Variants in CHD6 observed in about 807,000 individuals in gnomAD.
The protein encoded by CHD6 is chromodomain helicase DNA binding protein 6.
In CHD6, 50 loss-of-function variants were observed where a neutral mutation model predicts 276.9. That is an observed-to-expected ratio of 0.18 (90% CI 0.14 to 0.23). CHD6 has a LOEUF of 0.23. Among genes scored for constraint, CHD6 ranks in the 10% least tolerant of loss-of-function variants. CHD6 has a pLI of 1.00. For synonymous variants in CHD6, 1,173 were observed against 1,229.3 expected (o/e 0.95, Z 0.96); for missense variants, 2,564 against 3,365.8 (o/e 0.76, Z 5.89).
intron 14 of CHD6, 31 bp downstream of exon 14, chr20:41,487,634 T>C: frequency 6.3e-7 from 1 of 1,580,154 alleles, no homozygotes; most frequent in Non-Finnish European, 8.6e-7. Context: ...ACGATCACAC[T>C]GTCTCCTCAA....
At chr20:41,579,129 C>CAAAAA (rs58395642) in intron 1 of CHD6, among the ~76,000 whole-genome samples, 1 of 42,792 alleles carries the variant, frequency 2.3e-5, no homozygotes, top group Non-Finnish European at 4.2e-5. Flanking sequence ...GACTCCATCT[C>CAAAAA]AAAAAAAAAA....
chr20:41,467,030 G>A (rs2145748126), intron 17 of CHD6, among the ~76,000 whole-genome samples: 1 of 152,300 alleles, frequency 6.6e-6, no homozygotes, highest in South Asian at 2.1e-4. Flanking sequence ...AGAAAGACAG[G>A]AGGAACCCGG....
At chr20:41,500,165 T>C (rs575159579) in intron 5 of CHD6, among the ~76,000 whole-genome samples, 6 of 152,266 alleles carry the variant, frequency 3.9e-5, no homozygotes, top group African/African-American at 1.4e-4. Flanking sequence ...TCTATTACAA[T>C]ATGAGACTTA....
intron 3 of CHD6, among the ~76,000 whole-genome samples, chr20:41,516,770 C>T (rs775639184): frequency 6.6e-5 from 10 of 151,890 alleles, no homozygotes; most frequent in African/African-American, 2.2e-4. Flanking sequence ...CTTCATTCTG[C>T]GTGAAAAGGG....
intron 1 of CHD6, among the ~76,000 whole-genome samples, chr20:41,602,294 C>T (rs531944091): frequency 7.9e-5 from 12 of 152,346 alleles, no homozygotes; most frequent in Admixed American, 5.9e-4. Flanking sequence ...TCCTCTCCCT[C>T]TCTCTTTCTT....
intron 27 of CHD6, among the ~76,000 whole-genome samples, chr20:41,431,879 C>G (rs926100389): frequency 6.6e-6 from 1 of 150,394 alleles, no homozygotes; most frequent in Non-Finnish European, 1.5e-5. Flanking sequence ...AAAAAACCTT[C>G]CGGGCGCGGT....
chr20:41,610,243 A>C (rs2045872468), intron 1 of CHD6, among the ~76,000 whole-genome samples: 1 of 152,112 alleles, frequency 6.6e-6, no homozygotes, highest in Non-Finnish European at 1.5e-5. Flanking sequence ...AATATACTAC[A>C]ATCAATCTTA....
chr20:41,546,521 T>C (rs962599913), intron 2 of CHD6, among the ~76,000 whole-genome samples: 2 of 152,234 alleles, frequency 1.3e-5, no homozygotes, highest in African/African-American at 2.4e-5. Context: ...ACATAATATT[T>C]ATCATTTTTT....
chr20:41,565,935 G>A (rs147314076), intron 1 of CHD6, among the ~76,000 whole-genome samples: 35 of 152,248 alleles, frequency 2.3e-4, no homozygotes, highest in African/African-American at 8.2e-4. Context: ...TTTCTAGCCT[G>A]GGAGACTGGG....
intron 3 of CHD6, among the ~76,000 whole-genome samples, chr20:41,522,290 C>G (rs1180286326): frequency 6.6e-6 from 1 of 152,046 alleles, no homozygotes; most frequent in South Asian, 2.1e-4. Context: ...AGGCTGTAGT[C>G]AGTCATGATT....
At chr20:41,480,170 G>A (rs969067605) in intron 16 of CHD6, among the ~76,000 whole-genome samples, 2 of 152,116 alleles carry the variant, frequency 1.3e-5, no homozygotes, top group Non-Finnish European at 2.9e-5. Flanking sequence ...AAGAAGATCT[G>A]ATTTAAGAGG....
chr20:41,515,631 T>C (rs1445572498), intron 3 of CHD6, among the ~76,000 whole-genome samples: 4 of 152,216 alleles, frequency 2.6e-5, no homozygotes, highest in African/African-American at 9.6e-5. Context: ...CAACTATACT[T>C]TGCTTAAACG....
In CHD6 at chr20:41,426,143, C is replaced by T. The variant is rs202138743; in HGVS notation, c.4079G>A (p.Ser1360Asn). ...GCTAAAAACGCCATCACCTCCATCACTGGAACTCTCCTAGGGATAAATAAA... is the reference window on the plus strand; with the variant it reads ...GCTAAAAACGCCATCACCTCCATCATTGGAACTCTCCTAGGGATAAATAAA... The part of the protein sequence containing the change: ...DGLQKQTESS[S>N]DGGDGVFSEK... The change falls in exon 28 of 37, where the codon AGT becomes AAT. Residue 1360 changes from serine (S) to asparagine (N), a missense_variant. Physicochemically the swap from Ser to Asn is conservative, Grantham distance 46. Transcript: ENST00000373233. The T allele has an allele frequency of 6.0e-5, 96 of 1,612,826 alleles. No individual in the cohort carries two copies. Among genetic ancestry groups the T allele is most frequent in the Non-Finnish European group, 2.0e-5 (23 of 1,178,906 alleles).
Position 41,555,387 on chromosome 20 carries a change from C to T in CHD6, c.-23-4027G>A, listed in dbSNP as rs1439019758. ...CCGACCCCCCCACCTCCCTCCCGGA[C>T]GGGGCGGCTGGCCGGGCAGGGGGCT... On this transcript the variant is annotated intron_variant, in intron 1 of 36. Transcript: ENST00000373233. Among the ~76,000 whole-genome samples, 411 of 140,060 alleles carry T rather than the reference C, an allele frequency of 2.9e-3. 1 individual carries two copies. Among genetic ancestry groups the T allele is most frequent in the African/African-American group, 9.8e-3 (371 of 37,792 alleles). 91.9% of individuals were successfully genotyped at this position (140,060 alleles called of 152,430 possible).
At position 41,415,304 on chromosome 20, in the gene CHD6, T is replaced by C. The variant is rs557950998; in HGVS notation, c.6821A>G (p.Asn2274Ser). Reference protein sequence around the residue: ...LIHPVTGQIVNGSLRRDDAAT... With the variant: ...LIHPVTGQIVSGSLRRDDAAT... Reference sequence around the variant, plus strand: ...TGCATCATCTCTTCTGAGGCTTCCATTGACAATCTGTCCAGTCACAGGATG... The same window carrying C: ...TGCATCATCTCTTCTGAGGCTTCCACTGACAATCTGTCCAGTCACAGGATG... Residue 2274 changes from asparagine (N) to serine (S), a missense_variant, in exon 34 of 37, where the codon AAT becomes AGT. By Grantham distance (46) the Asn-to-Ser change is conservative (BLOSUM62 1). Around this residue, in one of 7 missense-constraint regions of CHD6, gnomAD observed 1,024 missense variants for 1,047.9 expected, o/e 0.98. Transcript: ENST00000373233. 2.3e-5 allele frequency: 37 copies of C among 1,614,204 alleles called. No homozygotes were observed. Among genetic ancestry groups the C allele is most frequent in the South Asian group, 2.0e-4 (18 of 91,076 alleles).
chr20:41,440,967 T>C (rs564317742), intron 25 of CHD6, among the ~76,000 whole-genome samples: 1 of 152,340 alleles, frequency 6.6e-6, no homozygotes, highest in African/African-American at 2.4e-5. Context: ...CTCGTATCAC[T>C]GTTGATGCAG....
At chr20:41,445,914 C>A (rs1019041716) in intron 24 of CHD6, 146 bp from the exon 25 acceptor site, 21 of 586,656 alleles carry the variant, frequency 3.6e-5, no homozygotes, top group Non-Finnish European at 5.9e-5. Context: ...TGTTTCTCAA[C>A]CAGGGCTTTG....
intron 2 of CHD6, among the ~76,000 whole-genome samples, chr20:41,541,743 A>G (rs1051523279): frequency 2.0e-5 from 3 of 152,252 alleles, no homozygotes; most frequent in African/African-American, 7.2e-5. Flanking sequence ...AGGTAAGTGA[A>G]GCACTAAAGA....
intron 2 of CHD6, chr20:41,547,488 G>A (rs2045065484): frequency 1.3e-5 from 5 of 375,296 alleles, no homozygotes; most frequent in African/African-American, 6.3e-5. Flanking sequence ...GGGTGAAGTC[G>A]ATGCCATGTC....
Sources: allele counts gnomAD v4.1 joint callset (sites outside exome capture counted in the v4.1 genomes callset), GRCh38; gene constraint gnomAD v4.1.1; regional missense constraint gnomAD v4.1.1; transcripts MANE v1.5; gene names NCBI Gene and HGNC (gene_info 2026-07-23, HGNC 2026-07-21).